STAG1: variants seen among roughly 807,000 people sequenced by gnomAD.
STAG1 encodes cohesin subunit SA-1.
Under a neutral mutation model 170.9 loss-of-function variants are expected in STAG1, and 26 were observed. The ratio of observed to expected loss-of-function variants is 0.15; its 90% CI spans 0.11 to 0.21. STAG1 has a LOEUF of 0.21. STAG1 is among the 10% of genes least tolerant of loss of function. The probability of loss-of-function intolerance (pLI) is 1.00; values close to 1 mark genes in which losing one functional copy is unlikely to be tolerated. For synonymous variants in STAG1, 514 were observed against 497.7 expected (o/e 1.03, Z -0.44); for missense variants, 964 against 1,509.5 (o/e 0.64, Z 5.99).
At chr3:136,355,307 G>A (rs1021432298) in intron 28 of STAG1, among the ~76,000 whole-genome samples, 1 of 124,808 alleles carries the variant, frequency 8.0e-6, no homozygotes, top group Admixed American at 9.9e-5. Context: ...AGCCAAGATT[G>A]TGTCACTGCA....
intron 3 of STAG1, among the ~76,000 whole-genome samples, chr3:136,615,709 C>T (rs1225935138): frequency 7.0e-6 from 1 of 142,896 alleles, no homozygotes; most frequent in African/African-American, 2.6e-5. Flanking sequence ...ACCTGGGAGG[C>T]GGAGCTTGCA....
At chr3:136,350,947 C>A (rs1936412379) in intron 28 of STAG1, among the ~76,000 whole-genome samples, 1 of 152,132 alleles carries the variant, frequency 6.6e-6, no homozygotes, top group African/African-American at 2.4e-5. Flanking sequence ...CCAAGAAGAA[C>A]CTTCCTGGAG....
intron 6 of STAG1, among the ~76,000 whole-genome samples, chr3:136,524,440 G>A (rs1386260687): frequency 3.9e-5 from 6 of 152,146 alleles, no homozygotes; most frequent in African/African-American, 1.4e-4. Flanking sequence ...TTTCCACATT[G>A]ATTTTGTATC....
At chr3:136,726,254 C>A (rs1043668687) in intron 1 of STAG1, among the ~76,000 whole-genome samples, 2 of 152,118 alleles carry the variant, frequency 1.3e-5, no homozygotes, top group Admixed American at 6.6e-5. Context: ...ACACCATCAT[C>A]CCCAGGTCTC....
chr3:136,505,189 T>G lies in STAG1; in HGVS notation c.677-2410A>C, dbSNP rs1933694814. On this transcript the variant is annotated intron_variant, in intron 7 of 33. Transcript: ENST00000383202. ...CCTGGTATTACTAAAAAAACCTTTT[T>G]GTAAGTTAATAATCCTGCAGGAATT... is the stretch of plus-strand genomic sequence containing the variant. Among the ~76,000 whole-genome samples the G allele has an allele frequency of 4.6e-5, 7 of 152,208 alleles. No homozygotes were observed. In the South Asian group the frequency reaches 1.4e-3, roughly 31 times the overall value.
At chr3:136,717,256 A>C (rs573153658) in intron 1 of STAG1, among the ~76,000 whole-genome samples, 95 of 152,380 alleles carry the variant, frequency 6.2e-4, no homozygotes, top group African/African-American at 2.2e-3. Context: ...GGCTCAAAAA[A>C]GCAGAGCTGC....
intron 1 of STAG1, among the ~76,000 whole-genome samples, chr3:136,704,203 A>G (rs112070278): frequency 6.6e-6 from 1 of 151,568 alleles, no homozygotes; most frequent in African/African-American, 2.4e-5. Flanking sequence ...GGAGTGCACC[A>G]CGACGCCTGG....
intron 28 of STAG1, among the ~76,000 whole-genome samples, chr3:136,357,076 T>C (rs1299698907): frequency 6.6e-6 from 1 of 151,984 alleles, no homozygotes; most frequent in Non-Finnish European, 1.5e-5. Context: ...CCCTCCTGAG[T>C]AGCTGGGACT....
intron 21 of STAG1, among the ~76,000 whole-genome samples, chr3:136,410,001 T>C (rs1458197929): frequency 7.7e-6 from 1 of 130,188 alleles, no homozygotes; most frequent in Non-Finnish European, 1.6e-5. Flanking sequence ...GCCTGGGAGG[T>C]AGAGGATGCA....
intron 9 of STAG1, among the ~76,000 whole-genome samples, chr3:136,479,060 C>CT (rs66966875): frequency 0.35 from 44,049 of 124,944 alleles, 8,602 homozygotes; most frequent in East Asian, 0.75. Flanking sequence ...TATAATCTTT[C>CT]TTTTTTTTTT....
chr3:136,739,846 C>CAT (rs1458436152), intron 1 of STAG1, among the ~76,000 whole-genome samples: 2 of 151,704 alleles, frequency 1.3e-5, no homozygotes, highest in East Asian at 1.9e-4. Context: ...TAATTATATA[C>CAT]ATATATACAC....
intron 5 of STAG1, among the ~76,000 whole-genome samples, chr3:136,557,319 G>A (rs1213682457): frequency 2.0e-5 from 3 of 152,144 alleles, no homozygotes; most frequent in Non-Finnish European, 4.4e-5. Context: ...AGACTCTCCT[G>A]TAAAGGGTTA....
At chr3:136,359,678 T>C (rs1177327344) in intron 26 of STAG1, among the ~76,000 whole-genome samples, 3 of 152,152 alleles carry the variant, frequency 2.0e-5, no homozygotes, top group Middle Eastern at 3.2e-3. Flanking sequence ...AATAGGCGTG[T>C]ACCACCATGC....
intron 5 of STAG1, among the ~76,000 whole-genome samples, chr3:136,561,761 C>T (rs1936850469): frequency 6.6e-6 from 1 of 151,652 alleles, no homozygotes; most frequent in Admixed American, 6.6e-5. Context: ...CTTGTCTTGA[C>T]AGTGACAATG....
intron 1 of STAG1, among the ~76,000 whole-genome samples, chr3:136,742,754 C>A (rs779734496): frequency 2.0e-5 from 3 of 151,434 alleles, no homozygotes; most frequent in Non-Finnish European, 4.4e-5. Flanking sequence ...CCACACACTT[C>A]TAAGTAATCC....
chr3:136,340,687 C>T, intron 31 of STAG1, 82 bp from the exon 32 acceptor site: 1 of 873,848 alleles, frequency 1.1e-6, no homozygotes, highest in Non-Finnish European at 1.9e-6. Flanking sequence ...TAAAGTTATT[C>T]TAACCAAGTG....
chr3:136,520,919 A>G (rs1283881415), intron 7 of STAG1, among the ~76,000 whole-genome samples: 1 of 152,160 alleles, frequency 6.6e-6, no homozygotes, highest in Non-Finnish European at 1.5e-5. Flanking sequence ...TGGGTTTTCC[A>G]AAGAATTTGG....
At chr3:136,345,710 T>A (rs1936196067) in intron 29 of STAG1, among the ~76,000 whole-genome samples, 1 of 152,200 alleles carries the variant, frequency 6.6e-6, no homozygotes, top group African/African-American at 2.4e-5. Context: ...ATCCTGTTGC[T>A]TTTCCTCTCA....
At chr3:136,431,201 G>A (rs1214405434) in intron 16 of STAG1, among the ~76,000 whole-genome samples, 2 of 151,960 alleles carry the variant, frequency 1.3e-5, no homozygotes, top group African/African-American at 4.8e-5. Context: ...ACTGCACCCA[G>A]CCCATTCCTT....
Sources: gnomAD v4.1 joint callset for allele counts (sites outside exome capture counted in the v4.1 genomes callset) on GRCh38, gnomAD v4.1.1 for gene constraint, MANE v1.5 for transcripts, NCBI Gene and HGNC (gene_info 2026-07-23, HGNC 2026-07-21) for gene names.